CNTN1: variants seen among roughly 807,000 people sequenced by gnomAD.
CNTN1 encodes contactin 1, also known as contactin-1.
CNTN1 carries 38 observed loss-of-function variants against 126.4 expected under a neutral mutation model. The ratio of observed to expected loss-of-function variants is 0.30; its 90% CI spans 0.23 to 0.39. The LOEUF is 0.39. CNTN1 is among the 10% of genes least tolerant of loss of function. CNTN1 has a pLI of 1.00. For synonymous variants in CNTN1, 413 were observed against 422.6 expected (o/e 0.98, Z 0.28); for missense variants, 1,009 against 1,248.4 (o/e 0.81, Z 2.89).
intron 13 of CNTN1, 97 bp downstream of exon 13, chr12:40,943,821 T>G (rs2136951545): frequency 6.7e-7 from 1 of 1,491,626 alleles, no homozygotes; most frequent in Non-Finnish European, 9.2e-7. Flanking sequence ...AAGTTTCTTT[T>G]TCAAAAGAAT....
intron 23 of CNTN1, among the ~76,000 whole-genome samples, chr12:41,037,546 C>T (rs1300399297): frequency 6.6e-6 from 1 of 152,016 alleles, no homozygotes; most frequent in Non-Finnish European, 1.5e-5. Context: ...AGGAAGTTGC[C>T]TAATGACATT....
chr12:40,813,957 T>A (rs781727480), intron 1 of CNTN1, among the ~76,000 whole-genome samples: 6 of 152,080 alleles, frequency 3.9e-5, no homozygotes, highest in Non-Finnish European at 8.8e-5. Flanking sequence ...GGTGTTCAGC[T>A]TTTTTTCATA....
intron 1 of CNTN1, among the ~76,000 whole-genome samples, chr12:40,747,040 T>A (rs180902531): frequency 6.6e-6 from 1 of 152,166 alleles, no homozygotes; most frequent in East Asian, 1.9e-4. Flanking sequence ...CCTGCCCCAC[T>A]CCTACCTGAC....
At chr12:40,876,983 C>T (rs985868042) in intron 1 of CNTN1, among the ~76,000 whole-genome samples, 7 of 152,094 alleles carry the variant, frequency 4.6e-5, no homozygotes, top group African/African-American at 1.7e-4. Flanking sequence ...AAAACCTAGG[C>T]ACTCAAGTGT....
At chr12:41,004,775 T>A (rs1948450548) in intron 17 of CNTN1, among the ~76,000 whole-genome samples, 1 of 152,220 alleles carries the variant, frequency 6.6e-6, no homozygotes, top group Non-Finnish European at 1.5e-5. Flanking sequence ...CTGTTTTCCA[T>A]TTGCTTGGTG....
chr12:40,737,154 T>G (rs1252890643), intron 1 of CNTN1, among the ~76,000 whole-genome samples: 1 of 151,688 alleles, frequency 6.6e-6, no homozygotes. Context: ...ATTTTTTATC[T>G]TCAAATAGTT....
At chr12:40,982,033 G>T (rs1293624253) in intron 16 of CNTN1, among the ~76,000 whole-genome samples, 3 of 150,558 alleles carry the variant, frequency 2.0e-5, no homozygotes, top group African/African-American at 7.3e-5. Flanking sequence ...GCCTATATTT[G>T]TATTGCTCAC....
intron 5 of CNTN1, among the ~76,000 whole-genome samples, chr12:40,924,029 C>T (rs543272715): frequency 6.6e-6 from 1 of 152,186 alleles, no homozygotes; most frequent in East Asian, 1.9e-4. Context: ...AAAATTAGAA[C>T]TGAAACAAAC....
At chr12:40,846,205 TG>T (rs1942494266) in intron 1 of CNTN1, among the ~76,000 whole-genome samples, 1 of 151,732 alleles carries the variant, frequency 6.6e-6, no homozygotes, top group Non-Finnish European at 1.5e-5. Flanking sequence ...AAAAAAAAAA[TG>T]GCTCACGCCT....
chr12:41,057,055 T>C (rs1301391954), intron 23 of CNTN1, among the ~76,000 whole-genome samples: 5 of 125,030 alleles, frequency 4.0e-5, no homozygotes, highest in South Asian at 4.6e-4. Context: ...TAGATATTTA[T>C]AAATATTATA....
intron 1 of CNTN1, among the ~76,000 whole-genome samples, chr12:40,735,722 G>C (rs1937645961): frequency 6.6e-6 from 1 of 152,038 alleles, no homozygotes; most frequent in Non-Finnish European, 1.5e-5. Context: ...TATCAAATCA[G>C]CGTGCAGGAA....
intron 1 of CNTN1, among the ~76,000 whole-genome samples, chr12:40,780,701 A>AC (rs1939759388): frequency 6.6e-6 from 1 of 150,524 alleles, no homozygotes; most frequent in Non-Finnish European, 1.5e-5. Flanking sequence ...AAAAAAAAAA[A>AC]AACACCAATC....
At chr12:40,827,510 A>T (rs962349155) in intron 1 of CNTN1, among the ~76,000 whole-genome samples, 5 of 151,906 alleles carry the variant, frequency 3.3e-5, no homozygotes, top group African/African-American at 1.2e-4. Flanking sequence ...AGCCTTGTTG[A>T]TGTTCCAGAA....
intron 1 of CNTN1, among the ~76,000 whole-genome samples, chr12:40,852,683 T>A (rs992815649): frequency 1.3e-5 from 2 of 152,140 alleles, no homozygotes; most frequent in African/African-American, 2.4e-5. Context: ...ATATTTGCGT[T>A]CCATCACTAT....
chr12:41,001,672 C>T (rs947655961), intron 17 of CNTN1, among the ~76,000 whole-genome samples: 1 of 151,984 alleles, frequency 6.6e-6, no homozygotes, highest in African/African-American at 2.4e-5. Flanking sequence ...AATCTTTGCC[C>T]ATTCCTATCT....
Position 40,871,186 on chromosome 12 carries a change from G to GAA in CNTN1, c.-76-37144_-76-37143dup, listed in dbSNP as rs201485882. Among the ~76,000 whole-genome samples the GAA allele has an allele frequency of 4.6e-3, 522 of 113,372 alleles. 22 individuals carry two copies. The highest frequency in any genetic ancestry group is 6.5e-3 in the Admixed American group (63 of 9,694). 74.4% of individuals were successfully genotyped at this position (113,372 alleles called of 152,430 possible). On this transcript the variant is annotated intron_variant, in intron 1 of 23. Transcript: ENST00000551295. The stretch of plus-strand genomic sequence containing the variant: ...AGTAGTGACTTGGATCTGTTACAGA[G>GAA]AAAAAAAAAAAAAAAAAAAAAAAAA...
At chr12:40,994,734 T>G (rs911169746) in intron 17 of CNTN1, among the ~76,000 whole-genome samples, 1 of 152,016 alleles carries the variant, frequency 6.6e-6, no homozygotes, top group African/African-American at 2.4e-5. Flanking sequence ...AAGCAAACAC[T>G]AGTGTTCATT....
intron 1 of CNTN1, among the ~76,000 whole-genome samples, chr12:40,713,923 C>T (rs972293877): frequency 6.6e-6 from 1 of 152,044 alleles, no homozygotes; most frequent in Non-Finnish European, 1.5e-5. Context: ...AAATTACGCT[C>T]TTCTCTATTT....
chr12:40,737,811 A>T (rs1216787491), intron 1 of CNTN1, among the ~76,000 whole-genome samples: 1 of 152,060 alleles, frequency 6.6e-6, no homozygotes, highest in Non-Finnish European at 1.5e-5. Context: ...CTGACAAATT[A>T]AAAAGATATA....
Sources: gnomAD v4.1 joint callset for allele counts (sites outside exome capture counted in the v4.1 genomes callset) on GRCh38, gnomAD v4.1.1 for gene constraint, MANE v1.5 for transcripts, NCBI Gene and HGNC (gene_info 2026-07-23, HGNC 2026-07-21) for gene names.